Variants in DLG2 observed in about 807,000 individuals in gnomAD.
DLG2 encodes the protein discs large MAGUK scaffold protein 2.
Under a neutral mutation model 132.5 loss-of-function variants are expected in DLG2, and 45 were observed. The observed-to-expected ratio is 0.34, with a 90% CI of 0.27 to 0.44. The LOEUF (loss-of-function observed/expected upper bound fraction) is 0.44, where lower values mean the gene tolerates loss of function less well. DLG2 is among the 20% of genes least tolerant of loss of function. The pLI is 1.00. For missense variants in DLG2, 1,045 were observed against 1,196.9 expected, an observed-to-expected ratio of 0.87 and a Z score of 1.87; for synonymous variants, 424 against 419.6, an observed-to-expected ratio of 1.01 and a Z score of -0.13.
At position 83,537,827 on chromosome 11, in the gene DLG2, AAAAAAAAAG is replaced by A. The variant is rs1477540135; in HGVS notation, c.2117+3846_2117+3854del. ...TGTCTCAAAAAAAAAAAAAAAAAAAAAAAAAAAAGAGAGAGAGAGATACCATGGAACAAA... is the reference window on the plus strand; with the variant it reads ...TGTCTCAAAAAAAAAAAAAAAAAAAAAGAGAGAGAGATACCATGGAACAAA... On this transcript the variant is annotated intron_variant, in intron 20 of 27. Coordinates refer to ENST00000376104, the MANE Select transcript of DLG2 (RefSeq NM_001142699.3). Among the ~76,000 whole-genome samples, 42 of 138,876 alleles carry A rather than the reference AAAAAAAAAG, an allele frequency of 3.0e-4. No individual in the cohort carries two copies. In the East Asian group the frequency reaches 7.1e-3, roughly 23 times the overall value. The allele number at this position is 138,876 out of a possible 152,430, so 91.1% of individuals were successfully genotyped here.
intron 8 of DLG2, among the ~76,000 whole-genome samples, chr11:84,175,033 G>T (rs2095919371): frequency 6.6e-6 from 1 of 152,114 alleles, no homozygotes; most frequent in African/African-American, 2.4e-5. Context: ...GGAGAATCTT[G>T]TTCATCCTCA....
At chr11:85,427,813 T>TA (rs2090878407) in intron 3 of DLG2, among the ~76,000 whole-genome samples, 1 of 152,176 alleles carries the variant, frequency 6.6e-6, no homozygotes, top group South Asian at 2.1e-4. Context: ...AATGCTCCAA[T>TA]TAAAAGACAC....
chr11:84,707,609 A>G (rs2059919418), intron 6 of DLG2, among the ~76,000 whole-genome samples: 1 of 151,828 alleles, frequency 6.6e-6, no homozygotes, highest in Non-Finnish European at 1.5e-5. Context: ...AGCTGGCTGA[A>G]AGAGGTCAGA....
intron 22 of DLG2, chr11:83,480,248 A>G (rs909982083): frequency 2.6e-6 from 2 of 772,434 alleles, no homozygotes; most frequent in African/African-American, 3.5e-5. Flanking sequence ...ATTTCAAGCC[A>G]TTTGCTTTGA....
At chr11:84,607,043 G>A (rs1287739711) in intron 6 of DLG2, among the ~76,000 whole-genome samples, 1 of 152,066 alleles carries the variant, frequency 6.6e-6, no homozygotes, top group Non-Finnish European at 1.5e-5. Flanking sequence ...ATCAAGAGCA[G>A]GGGGCCATAG....
chr11:84,031,933 T>C (rs1417940329), intron 11 of DLG2, among the ~76,000 whole-genome samples: 1 of 152,196 alleles, frequency 6.6e-6, no homozygotes, highest in South Asian at 2.1e-4. Flanking sequence ...ATATCTGATA[T>C]AGTAACATGT....
At chr11:85,582,350 G>A (rs141453557) in intron 3 of DLG2, among the ~76,000 whole-genome samples, 2 of 152,142 alleles carry the variant, frequency 1.3e-5, no homozygotes, top group East Asian at 1.9e-4. Context: ...AAAGTGAGAT[G>A]TTAGAGCCTA....
intron 3 of DLG2, among the ~76,000 whole-genome samples, chr11:85,296,233 T>C (rs1474188618): frequency 2.0e-5 from 3 of 152,130 alleles, no homozygotes; most frequent in African/African-American, 4.8e-5. Flanking sequence ...TAATATTCTG[T>C]TTAATGGTGA....
At chr11:84,117,131 C>T (rs1216109324) in intron 9 of DLG2, among the ~76,000 whole-genome samples, 1 of 152,210 alleles carries the variant, frequency 6.6e-6, no homozygotes, top group African/African-American at 2.4e-5. Context: ...TGATCTCACG[C>T]ACCCTAATCC....
At chr11:83,793,368 C>A (rs1261936694) in intron 17 of DLG2, among the ~76,000 whole-genome samples, 1 of 152,102 alleles carries the variant, frequency 6.6e-6, no homozygotes, top group Non-Finnish European at 1.5e-5. Flanking sequence ...ATCTATTTAA[C>A]AAATTACCCA....
chr11:84,270,502 T>C (rs747196317), intron 7 of DLG2, among the ~76,000 whole-genome samples: 3 of 152,202 alleles, frequency 2.0e-5, no homozygotes, highest in Non-Finnish European at 4.4e-5. Context: ...CACTTTAAGG[T>C]TCCTTTCACC....
intron 18 of DLG2, among the ~76,000 whole-genome samples, chr11:83,767,380 G>T (rs2094190101): frequency 6.6e-6 from 1 of 152,158 alleles, no homozygotes; most frequent in South Asian, 2.1e-4. Flanking sequence ...AATTCAATTA[G>T]GTCCTTGTTC....
intron 7 of DLG2, among the ~76,000 whole-genome samples, chr11:84,402,943 A>T (rs936580355): frequency 6.6e-6 from 1 of 151,456 alleles, no homozygotes; most frequent in African/African-American, 2.4e-5. Flanking sequence ...TTGTATTAAT[A>T]GCATAAGCTT....
intron 11 of DLG2, among the ~76,000 whole-genome samples, chr11:84,025,040 A>C (rs1396685940): frequency 6.6e-6 from 1 of 152,200 alleles, no homozygotes; most frequent in African/African-American, 2.4e-5. Context: ...GTTGACAATA[A>C]AAAATAAAGT....
At chr11:85,207,884 A>G (rs943711537) in intron 4 of DLG2, among the ~76,000 whole-genome samples, 1 of 151,468 alleles carries the variant, frequency 6.6e-6, no homozygotes, top group Non-Finnish European at 1.5e-5. Flanking sequence ...TTGCCCTTTC[A>G]TGCCCTCTAC....
intron 7 of DLG2, among the ~76,000 whole-genome samples, chr11:84,323,806 C>T (rs1038560509): frequency 5.4e-5 from 8 of 146,846 alleles, no homozygotes; most frequent in African/African-American, 1.8e-4. Flanking sequence ...GTTTCCAAGA[C>T]GATTAGTGAG....
At chr11:83,621,415 T>C (rs1446461027) in intron 19 of DLG2, among the ~76,000 whole-genome samples, 1 of 152,154 alleles carries the variant, frequency 6.6e-6, no homozygotes, top group Non-Finnish European at 1.5e-5. Flanking sequence ...ATGCATTTTC[T>C]TTAAAACTTA....
chr11:83,752,372 A>T (rs1254811632), intron 18 of DLG2, among the ~76,000 whole-genome samples: 1 of 152,212 alleles, frequency 6.6e-6, no homozygotes. Flanking sequence ...AACACACAGA[A>T]TTGACCAGGA....
chr11:84,862,102 C>A (rs945857578), intron 6 of DLG2, among the ~76,000 whole-genome samples: 1 of 151,640 alleles, frequency 6.6e-6, no homozygotes, highest in Non-Finnish European at 1.5e-5. Context: ...CGAGTTAGTG[C>A]GTGCAGCGCA....
Sources: gnomAD v4.1 joint callset for allele counts (sites outside exome capture counted in the v4.1 genomes callset) on GRCh38, gnomAD v4.1.1 for gene constraint, MANE v1.5 for transcripts, NCBI Gene and HGNC (gene_info 2026-07-23, HGNC 2026-07-21) for gene names.